EBF2: variants seen among roughly 807,000 people sequenced by gnomAD.
EBF2 encodes transcription factor COE2.
In EBF2, 21 loss-of-function variants were observed where a neutral mutation model predicts 72.8. That is an observed-to-expected ratio of 0.29 (90% CI 0.20 to 0.42). The LOEUF (loss-of-function observed/expected upper bound fraction) is 0.42. EBF2 is among the 10% of genes least tolerant of loss of function. EBF2 has a pLI of 1.00. For missense variants in EBF2, 637 were observed against 731.2 expected (o/e 0.87, Z 1.49); for synonymous variants, 299 against 274.2 (o/e 1.09, Z -0.89).
At chr8:25,879,824 T>C (rs12679641) in intron 10 of EBF2, among the ~76,000 whole-genome samples, 86,191 of 152,058 alleles carry the variant, frequency 0.57, 27,222 homozygotes, top group African/African-American at 0.85. Context: ...TTAGAAAGTC[T>C]CCATTGTCTT....
chr8:25,864,454 A>T lies in EBF2; in HGVS notation c.1010-1657T>A, dbSNP rs536051173. 1.3e-3 allele frequency among the ~76,000 whole-genome samples: 200 copies of T among 150,038 alleles called. 1 individual carries two copies. Among genetic ancestry groups the T allele is most frequent in the Admixed American group, 2.2e-3 (33 of 15,050 alleles). On this transcript the variant is annotated intron_variant, in intron 10 of 15. Coordinates refer to ENST00000520164, the MANE Select transcript of EBF2 (RefSeq NM_022659.4). Reference sequence around the variant, plus strand: ...ATCCCAATTTGACCTTAAGTATTTTATGTATAGAAAAACCACCTCTATTCC... The same window carrying T: ...ATCCCAATTTGACCTTAAGTATTTTTTGTATAGAAAAACCACCTCTATTCC...
intron 7 of EBF2, among the ~76,000 whole-genome samples, chr8:25,894,262 G>T (rs536109897): frequency 6.6e-6 from 1 of 152,330 alleles, no homozygotes; most frequent in African/African-American, 2.4e-5. Context: ...TACAGGTGAA[G>T]ATATATTTGG....
intron 15 of EBF2, among the ~76,000 whole-genome samples, chr8:25,848,892 C>T (rs1392752059): frequency 6.6e-6 from 1 of 152,144 alleles, no homozygotes; most frequent in Non-Finnish European, 1.5e-5. Flanking sequence ...AAAGAGGAAA[C>T]ATCAACACTG....
intron 6 of EBF2, among the ~76,000 whole-genome samples, chr8:26,013,733 C>G (rs770388594): frequency 2.0e-4 from 31 of 152,248 alleles, no homozygotes; most frequent in African/African-American, 2.4e-4. Flanking sequence ...CAAGATGACT[C>G]CATGCTATCT....
At chr8:25,905,289 A>G (rs1324430847) in intron 7 of EBF2, among the ~76,000 whole-genome samples, 1 of 152,218 alleles carries the variant, frequency 6.6e-6, no homozygotes, top group Non-Finnish European at 1.5e-5. Flanking sequence ...CAGTTCCTCA[A>G]AAACTTAAAG....
At chr8:25,867,989 C>T (rs1244616375) in intron 10 of EBF2, among the ~76,000 whole-genome samples, 1 of 152,216 alleles carries the variant, frequency 6.6e-6, no homozygotes, top group African/African-American at 2.4e-5. Context: ...TCCCCTCCCC[C>T]TCTGCCCACT....
intron 6 of EBF2, among the ~76,000 whole-genome samples, chr8:26,002,912 A>G (rs1173319065): frequency 3.2e-3 from 228 of 70,338 alleles, no homozygotes; most frequent in Middle Eastern, 9.8e-3. Flanking sequence ...GCAGGCGGGC[A>G]GGCGGGCAGG....
chr8:25,926,432 T>A lies in EBF2; in HGVS notation c.552-17877A>T, dbSNP rs143311050. ...ATAATAAACTATTGCTTAGATGAGA[T>A]GATGATCAAGTCTCTAAGGAAATAG... On this transcript the variant is annotated intron_variant, in intron 6 of 15. Coordinates refer to ENST00000520164, the MANE Select transcript of EBF2 (RefSeq NM_022659.4). Among the ~76,000 whole-genome samples the A allele has an allele frequency of 1.7e-4, 26 of 152,308 alleles. No individual in the cohort carries two copies. The East Asian group carries it at 4.6e-3, about 27-fold the overall frequency.
intron 5 of EBF2, among the ~76,000 whole-genome samples, chr8:26,038,928 A>G (rs1805553630): frequency 6.6e-6 from 1 of 152,224 alleles, no homozygotes; most frequent in South Asian, 2.1e-4. Context: ...GATAATCTGC[A>G]ATTACCCAAA....
chr8:26,014,475 C>T lies in EBF2; in HGVS notation c.551+18610G>A, dbSNP rs190465620. ...TCAAAGTTAAGTTTAAATACAAATA[C>T]TGGCTGAATGTGAATTTGCCTTTTC... On this transcript the variant is annotated intron_variant, in intron 6 of 15. Coordinates refer to ENST00000520164, the MANE Select transcript of EBF2 (RefSeq NM_022659.4). Among the ~76,000 whole-genome samples, 18 of 152,326 alleles carry T rather than the reference C, an allele frequency of 1.2e-4. No homozygotes were observed. The East Asian group carries it at 3.3e-3, about 28-fold the overall frequency.
chr8:25,873,342 T>C (rs1202683248), intron 10 of EBF2, among the ~76,000 whole-genome samples: 1 of 152,200 alleles, frequency 6.6e-6, no homozygotes, highest in African/African-American at 2.4e-5. Flanking sequence ...TTTATGATTC[T>C]AAGGCTATCA....
At chr8:25,947,700 T>C (rs1300587514) in intron 6 of EBF2, among the ~76,000 whole-genome samples, 1 of 152,212 alleles carries the variant, frequency 6.6e-6, no homozygotes, top group Admixed American at 6.5e-5. Flanking sequence ...TCCCCTTCTT[T>C]CTTGCACATG....
chr8:25,857,160 C>T (rs2117256857), intron 14 of EBF2, among the ~76,000 whole-genome samples: 1 of 152,134 alleles, frequency 6.6e-6, no homozygotes, highest in East Asian at 1.9e-4. Flanking sequence ...CAAGACACAA[C>T]ATAGAACTCT....
At chr8:25,893,382 G>T (rs1318852374) in intron 7 of EBF2, among the ~76,000 whole-genome samples, 2 of 148,970 alleles carry the variant, frequency 1.3e-5, no homozygotes, top group Admixed American at 1.4e-4. Flanking sequence ...TGCCTCCCAG[G>T]TTCAAGCGAT....
chr8:25,858,680 G>GTT (rs1802148916), intron 13 of EBF2, among the ~76,000 whole-genome samples, 176 bp from the exon 14 acceptor site: 1 of 103,276 alleles, frequency 9.7e-6, no homozygotes, highest in Non-Finnish European at 1.8e-5. Context: ...TTTTTTTTGA[G>GTT]ATAGAGTCTT....
At chr8:25,933,994 T>TA (rs934187305) in intron 6 of EBF2, among the ~76,000 whole-genome samples, 7 of 152,182 alleles carry the variant, frequency 4.6e-5, no homozygotes, top group African/African-American at 1.7e-4. Context: ...ATTTTAAAGA[T>TA]AAAATCTCTC....
intron 6 of EBF2, among the ~76,000 whole-genome samples, chr8:25,962,934 G>A (rs770397515): frequency 1.1e-4 from 17 of 152,130 alleles, no homozygotes; most frequent in African/African-American, 2.9e-4. Context: ...CAAGGTCCTC[G>A]CATTACAAAG....
chr8:25,881,987 C>G lies in EBF2; in HGVS notation c.1009+4768G>C, dbSNP rs1375930548. On this transcript the variant is annotated intron_variant, in intron 10 of 15. Coordinates refer to ENST00000520164, the MANE Select transcript of EBF2 (RefSeq NM_022659.4). The stretch of plus-strand genomic sequence containing the variant: ...TACCTCCTCTCGATAAAACCTTGCA[C>G]TCATTCTCCAAGCCCAGGTGTGATC... Among the ~76,000 whole-genome samples, 35 of 152,212 alleles carry G rather than the reference C, an allele frequency of 2.3e-4. 1 individual carries two copies. Among genetic ancestry groups the G allele is most frequent in the Admixed American group, 2.3e-3 (35 of 15,286 alleles).
At chr8:25,845,602 C>T (rs1001502599) in intron 15 of EBF2, among the ~76,000 whole-genome samples, 3 of 152,264 alleles carry the variant, frequency 2.0e-5, no homozygotes, top group East Asian at 1.9e-4. Flanking sequence ...CAAAAGGATT[C>T]GGACAATGCC....
Sources: allele counts gnomAD v4.1 joint callset (sites outside exome capture counted in the v4.1 genomes callset), GRCh38; gene constraint gnomAD v4.1.1; transcripts MANE v1.5; gene names NCBI Gene and HGNC (gene_info 2026-07-23, HGNC 2026-07-21).